NEDD4L: variants seen among roughly 807,000 people sequenced by gnomAD.
NEDD4L encodes the protein NEDD4 like E3 ubiquitin protein ligase.
A neutral mutation model predicts 148.9 loss-of-function variants in NEDD4L; 54 were observed. The observed-to-expected ratio is 0.36, with a 90% CI of 0.29 to 0.45. The LOEUF is 0.45. Among genes scored for constraint, NEDD4L ranks in the 20% least tolerant of loss-of-function variants. The probability of loss-of-function intolerance (pLI) is 1.00; values close to 1 mark genes in which losing one functional copy is unlikely to be tolerated. For synonymous variants in NEDD4L, 433 were observed against 440.7 expected (o/e 0.98, Z 0.22); for missense variants, 856 against 1,233.8 (o/e 0.69, Z 4.59).
intron 1 of NEDD4L, among the ~76,000 whole-genome samples, chr18:58,123,596 G>A (rs1009830920): frequency 6.6e-6 from 1 of 152,152 alleles, no homozygotes; most frequent in Non-Finnish European, 1.5e-5. Flanking sequence ...AACTGGACTT[G>A]CATCTCTTCA....
At chr18:58,370,245 G>A (rs1466336439) in intron 22 of NEDD4L, among the ~76,000 whole-genome samples, 152 bp from the exon 23 acceptor site, 2 of 152,062 alleles carry the variant, frequency 1.3e-5, no homozygotes, top group African/African-American at 2.4e-5. Flanking sequence ...CCCTGATCTC[G>A]CCTCCTCGCT....
chr18:58,056,079 C>T (rs2082073934), intron 1 of NEDD4L, among the ~76,000 whole-genome samples: 2 of 152,136 alleles, frequency 1.3e-5, no homozygotes, highest in African/African-American at 2.4e-5. Context: ...TTGGGTGTGA[C>T]CTAAAGTGTA....
intron 1 of NEDD4L, among the ~76,000 whole-genome samples, chr18:58,082,079 A>AATATATATATATATATATATAT: frequency 1.1e-5 from 1 of 89,948 alleles, no homozygotes; most frequent in African/African-American, 5.8e-5. Context: ...CTTTCTGATG[A>AATATATATATATATATATATAT]ATATATATAT....
intron 1 of NEDD4L, among the ~76,000 whole-genome samples, chr18:58,090,274 G>A (rs1157421121): frequency 6.6e-6 from 1 of 152,176 alleles, no homozygotes; most frequent in Non-Finnish European, 1.5e-5. Flanking sequence ...CTAGTTTAGG[G>A]ACCCAGTAGG....
At chr18:58,262,903 G>GA (rs1372106523) in intron 5 of NEDD4L, among the ~76,000 whole-genome samples, 2 of 152,290 alleles carry the variant, frequency 1.3e-5, no homozygotes, top group Admixed American at 1.3e-4. Context: ...ACCATGTTTT[G>GA]ACAGGAAGCT....
rs1193103118 is a variant in NEDD4L at position 58,399,246 on chromosome 18, G to A, written c.*2977G>A. The A allele has an allele frequency of 6.6e-6, 1 of 152,180 alleles. No individual in the cohort carries two copies. Among genetic ancestry groups the A allele is most frequent in the Non-Finnish European group, 1.5e-5 (1 of 68,036 alleles). 9.4% of individuals were successfully genotyped at this position (152,180 alleles called of 1,614,324 possible). On this transcript the variant is annotated 3_prime_UTR_variant, in exon 31 of 31. Transcript: ENST00000400345. Reference sequence around the variant, plus strand: ...TGGCCCTGGAGCCGGCAGCAGTGAGGCATTCATTGTCTGTGTTGCGGTGTA... The same window carrying A: ...TGGCCCTGGAGCCGGCAGCAGTGAGACATTCATTGTCTGTGTTGCGGTGTA...
chr18:58,245,406 A>T (rs919283037), intron 2 of NEDD4L, 21 bp from the exon 3 acceptor site: 1 of 1,224,652 alleles, frequency 8.2e-7, no homozygotes, highest in African/African-American at 1.5e-5. Flanking sequence ...ATCCTATTAA[A>T]TCTAAAATAT....
At position 58,277,206 on chromosome 18, in the gene NEDD4L, T is replaced by G. The variant is rs140770106; in HGVS notation, c.297+25152T>G. Among the ~76,000 whole-genome samples the G allele has an allele frequency of 1.4e-3, 219 of 151,552 alleles. 1 individual carries two copies. The highest frequency in any genetic ancestry group is 5.1e-3 in the African/African-American group (210 of 41,220). On this transcript the variant is annotated intron_variant, in intron 5 of 30. Coordinates refer to ENST00000400345, the MANE Select transcript of NEDD4L (RefSeq NM_001144967.3). ...CCTCAGAACTTTGATTTGATCTTTG[T>G]ACCCCATGGGTCCTGCCAGGTGAGG...
At chr18:58,047,118 T>G (rs1598911516) in intron 1 of NEDD4L, 2 of 306,178 alleles carry the variant, frequency 6.5e-6, no homozygotes, top group Admixed American at 1.3e-4. Context: ...GCTCTGAAAG[T>G]AGAATGCCCG....
intron 1 of NEDD4L, among the ~76,000 whole-genome samples, chr18:58,082,413 G>A (rs2083507513): frequency 6.6e-6 from 1 of 150,392 alleles, no homozygotes; most frequent in South Asian, 2.1e-4. Context: ...TTTACACATC[G>A]AGATAGTACT....
chr18:58,104,052 A>C (rs1178628248), intron 1 of NEDD4L, among the ~76,000 whole-genome samples: 1 of 152,256 alleles, frequency 6.6e-6, no homozygotes, highest in Non-Finnish European at 1.5e-5. Flanking sequence ...GTTATCCATC[A>C]GTGGGTGAAT....
chr18:58,120,901 A>G (rs1183673124), intron 1 of NEDD4L, among the ~76,000 whole-genome samples: 1 of 150,128 alleles, frequency 6.7e-6, no homozygotes, highest in East Asian at 2.0e-4. Context: ...TCAGGTGACT[A>G]TTACCATATT....
intron 1 of NEDD4L, among the ~76,000 whole-genome samples, chr18:58,158,625 A>AACC (rs2035804833): frequency 1.3e-5 from 2 of 152,162 alleles, no homozygotes; most frequent in African/African-American, 2.4e-5. Flanking sequence ...AGAAACTCAT[A>AACC]TCCTTAGGGT....
At chr18:58,255,865 G>T (rs2048459838) in intron 5 of NEDD4L, 1 of 1,232,442 alleles carries the variant, frequency 8.1e-7, no homozygotes, top group Non-Finnish European at 1.0e-6. Context: ...TGTTCATCCC[G>T]CAGCTCTTGA....
chr18:58,212,004 A>G (rs2042645612), intron 2 of NEDD4L, among the ~76,000 whole-genome samples: 1 of 152,266 alleles, frequency 6.6e-6, no homozygotes, highest in Non-Finnish European at 1.5e-5. Context: ...AATGTAAACA[A>G]GCAATTCAAC....
intron 27 of NEDD4L, 112 bp from the exon 28 acceptor site, chr18:58,388,973 C>A: frequency 1.2e-6 from 1 of 810,238 alleles, no homozygotes; most frequent in Non-Finnish European, 2.1e-6. Flanking sequence ...GATTTGCTAG[C>A]TTACCTTCGC....
At chr18:58,230,747 C>T (rs2045073799) in intron 2 of NEDD4L, among the ~76,000 whole-genome samples, 1 of 152,114 alleles carries the variant, frequency 6.6e-6, no homozygotes, top group Admixed American at 6.5e-5. Context: ...TTTGGCAACT[C>T]AGACAAGACT....
At chr18:58,059,872 A>G (rs1422823533) in intron 1 of NEDD4L, among the ~76,000 whole-genome samples, 3 of 152,236 alleles carry the variant, frequency 2.0e-5, no homozygotes, top group African/African-American at 7.2e-5. Flanking sequence ...TAACATGTAC[A>G]TGACAAACAG....
At chr18:58,365,507 C>T (rs554277765) in intron 20 of NEDD4L, among the ~76,000 whole-genome samples, 2 of 152,298 alleles carry the variant, frequency 1.3e-5, no homozygotes, top group African/African-American at 4.8e-5. Context: ...TTGGCATAAT[C>T]AGGATCCCAC....
Sources: allele counts gnomAD v4.1 joint callset (sites outside exome capture counted in the v4.1 genomes callset), GRCh38; gene constraint gnomAD v4.1.1; transcripts MANE v1.5; gene names NCBI Gene and HGNC (gene_info 2026-07-23, HGNC 2026-07-21).